Variants in SLC25A41 observed in about 807,000 individuals in gnomAD.
SLC25A41 encodes solute carrier family 25 member 41.
Under a neutral mutation model 34.7 loss-of-function variants are expected in SLC25A41, and 35 were observed. That is an observed-to-expected ratio of 1.01 (90% CI 0.77 to 1.34). SLC25A41 has a LOEUF of 1.34. SLC25A41 is among the 40% of genes most tolerant of loss of function. The pLI, the probability that SLC25A41 is intolerant of heterozygous loss-of-function variation, is 0.00. For synonymous variants in SLC25A41, 190 were observed against 209.9 expected, an observed-to-expected ratio of 0.91 and a Z score of 0.82; for missense variants, 492 against 489.8, an observed-to-expected ratio of 1.00 and a Z score of -0.04.
intron 4 of SLC25A41, among the ~76,000 whole-genome samples, chr19:6,428,809 G>T (rs1454790151): frequency 1.4e-5 from 2 of 144,380 alleles, no homozygotes; most frequent in Non-Finnish European, 3.0e-5. Context: ...GACCTTCTGG[G>T]CTCAAGTGCT....
intron 4 of SLC25A41, among the ~76,000 whole-genome samples, chr19:6,428,015 G>A (rs986026642): frequency 2.6e-5 from 4 of 152,030 alleles, no homozygotes; most frequent in African/African-American, 9.7e-5. Context: ...AGAGTGAATA[G>A]GTAGAAAACA....
chr19:6,430,083 G>A lies in SLC25A41; in HGVS notation c.442C>T (p.Leu148=). 1 of 1,613,470 alleles carries A rather than the reference G, an allele frequency of 6.2e-7. No individual in the cohort carries two copies. The highest frequency in any genetic ancestry group is 8.5e-7 in the Non-Finnish European group (1 of 1,179,686). Residue 148 remains leucine, a synonymous_variant, in exon 3 of 7, where the codon CTG becomes TTG. Coordinates refer to ENST00000321510, the MANE Select transcript of SLC25A41 (RefSeq NM_173637.4). The part of the protein sequence containing the change: ...SMVQEGGFRS[L]WRGNGINVLK... ...ACGTTGATGCCGTTGCCCCGCCACA[G>A]GGAGCGGAAGCCGCCCTCCTGGACC... is the stretch of plus-strand genomic sequence containing the variant.
intron 2 of SLC25A41, among the ~76,000 whole-genome samples, chr19:6,431,057 C>A (rs1368746903): frequency 6.6e-6 from 1 of 152,034 alleles, no homozygotes; most frequent in African/African-American, 2.4e-5. Flanking sequence ...CTCAAGCGAT[C>A]TTCCCACTTT....
chr19:6,435,391 AAC>A (rs1328040263), upstream of SLC25A41, among the ~76,000 whole-genome samples: 3 of 151,700 alleles, frequency 2.0e-5, no homozygotes, highest in African/African-American at 7.3e-5. Flanking sequence ...AGTGGCTAGG[AAC>A]ACAGGTGCGG....
rs1483908509 is a variant in SLC25A41, at chr19:6,426,291, A to C, written c.*98T>G. On this transcript the variant is annotated 3_prime_UTR_variant, in exon 7 of 7. Coordinates refer to ENST00000321510, the MANE Select transcript of SLC25A41 (RefSeq NM_173637.4). ...TGCTTTTGCCACCAAAAACTGCCCCAGGGCCTGAACCTTGAGGCCTCGAGG... is the reference window on the plus strand; with the variant it reads ...TGCTTTTGCCACCAAAAACTGCCCCCGGGCCTGAACCTTGAGGCCTCGAGG... 1.5e-5 allele frequency: 14 copies of C among 939,204 alleles called. No individual in the cohort carries two copies. The highest frequency in any genetic ancestry group is 1.1e-4 in the Admixed American group (2 of 18,610). 58.2% of individuals were successfully genotyped at this position (939,204 alleles called of 1,614,324 possible). A position where few individuals can be genotyped will look rare whatever the true frequency, so the allele number is the denominator to read the frequency against.
At chr19:6,428,626 T>A (rs2092255329) in intron 4 of SLC25A41, among the ~76,000 whole-genome samples, 2 of 147,490 alleles carry the variant, frequency 1.4e-5, no homozygotes, top group South Asian at 2.1e-4. Flanking sequence ...TTTAGTTATA[T>A]ATAATATATA....
intron 2 of SLC25A41, chr19:6,430,489 CTTCTT>C: frequency 2.1e-6 from 1 of 471,130 alleles, no homozygotes; most frequent in Non-Finnish European, 3.9e-6. Context: ...TCCTCCCTTC[CTTCTT>C]TTTTTTTTTT....
In SLC25A41 at chr19:6,427,415, GC is replaced by G; in HGVS notation, c.710del (p.Gly237AlafsTer35). 1 of 1,610,024 alleles carries G rather than the reference GC, an allele frequency of 6.2e-7. No homozygotes were observed. The highest frequency in any genetic ancestry group is 8.5e-7 in the Non-Finnish European group (1 of 1,178,298). On this transcript the variant is annotated frameshift_variant, in exon 5 of 7. Transcript: ENST00000321510. LOFTEE classifies it high-confidence loss of function. The surrounding 1 kb of genome is among the most constrained non-coding windows in gnomAD (Gnocchi z 4.9). ...GGTAGCCGCGGTAAAGGGCGCGGGTGCCCTCTCGCTGCAAGATCTGCCTGGC... is the reference window on the plus strand; with the variant it reads ...GGTAGCCGCGGTAAAGGGCGCGGGTGCCTCTCGCTGCAAGATCTGCCTGGC... ...DCARQILQRE[G>X]TRALYRGYLP... is the part of the protein sequence containing the mutation.
intron 1 of SLC25A41, among the ~76,000 whole-genome samples, chr19:6,432,650 G>A (rs1188282588): frequency 6.6e-6 from 1 of 150,854 alleles, no homozygotes; most frequent in African/African-American, 2.4e-5. Flanking sequence ...GAGTACAGTG[G>A]TGCGATCTTG....
Position 6,430,036 on chromosome 19 carries a change from A to C in SLC25A41, c.489T>G (p.Tyr163Ter), listed in dbSNP as rs1013043276. The C allele has an allele frequency of 1.2e-6, 2 of 1,612,542 alleles. No individual in the cohort carries two copies. The highest frequency in any genetic ancestry group is 1.7e-6 in the Non-Finnish European group (2 of 1,179,330). The change falls in exon 3 of 7, where the codon TAT (tyrosine) becomes TAG (stop). Residue 163 changes from tyrosine to a stop codon, truncating the protein, a stop_gained. Coordinates refer to ENST00000321510, the MANE Select transcript of SLC25A41 (RefSeq NM_173637.4). LOFTEE classifies it high-confidence loss of function. Reference protein sequence around the residue: ...GINVLKIAPEYAIKFSVFEQC... With the variant: ...GINVLKIAPE The stretch of plus-strand genomic sequence containing the variant: ...GCTCGAATACGGAGAACTTGATGGC[A>C]TACTCAGGAGCAATCTTGAGCACGT...
chr19:6,426,962 A>C (rs1385378867), intron 6 of SLC25A41, 141 bp downstream of exon 6: 64 of 904,520 alleles, frequency 7.1e-5, no homozygotes, highest in Non-Finnish European at 9.5e-5. Flanking sequence ...TATTTTTGAG[A>C]CGCAGTCTCA....
At chr19:6,429,691 G>A (rs369746958) in intron 4 of SLC25A41, 33 bp downstream of exon 4, 39 of 1,501,290 alleles carry the variant, frequency 2.6e-5, no homozygotes, top group East Asian at 4.8e-5. Flanking sequence ...TTTCCACGGC[G>A]TTTCCTCACC....
chr19:6,434,515 G>C (rs1486167681), upstream of SLC25A41, among the ~76,000 whole-genome samples: 2 of 152,196 alleles, frequency 1.3e-5, no homozygotes, highest in Non-Finnish European at 2.9e-5. Context: ...AGAAATAAAT[G>C]TCTGCAGTTT....
chr19:6,428,401 C>CA lies in SLC25A41; in HGVS notation c.625-901dup, dbSNP rs764137246. On this transcript the variant is annotated intron_variant, in intron 4 of 6. Coordinates refer to ENST00000321510, the MANE Select transcript of SLC25A41 (RefSeq NM_173637.4). ...AGCCTGGGTGACAGAGTGAGACTCT[C>CA]AAAAAAAAAAAAAAGAAAAAGAAAG... is the stretch of plus-strand genomic sequence containing the variant. Among the ~76,000 whole-genome samples, 179 of 68,954 alleles carry CA rather than the reference C, an allele frequency of 2.6e-3. 1 individual carries two copies. The highest frequency in any genetic ancestry group is 5.5e-3 in the African/African-American group (106 of 19,224). 45.2% of individuals were successfully genotyped at this position (68,954 alleles called of 152,430 possible).
At chr19:6,426,722 G>A (rs898751027) in intron 6 of SLC25A41, among the ~76,000 whole-genome samples, 161 bp from the exon 7 acceptor site, 1 of 152,218 alleles carries the variant, frequency 6.6e-6, no homozygotes, top group South Asian at 2.1e-4. Context: ...GTTTGAGGAG[G>A]AGTGGGGGAG....
chr19:6,429,049 TTATATATATGTTA>T lies in SLC25A41; in HGVS notation c.624+662_624+674del, dbSNP rs1349476376. Among the ~76,000 whole-genome samples the T allele has an allele frequency of 1.3e-4, 5 of 37,360 alleles. 1 individual carries two copies. Among genetic ancestry groups the T allele is most frequent in the African/African-American group, 4.8e-4 (3 of 6,310 alleles). 24.5% of individuals were successfully genotyped at this position (37,360 alleles called of 152,430 possible). A position where few individuals can be genotyped will look rare whatever the true frequency, so the allele number is the denominator to read the frequency against. ...TATATATATATATATAATATATATA[TTATATATATGTTA>T]TATATATATATAATATATATATTAT... On this transcript the variant is annotated intron_variant, in intron 4 of 6. Transcript: ENST00000321510.
intron 4 of SLC25A41, among the ~76,000 whole-genome samples, chr19:6,429,156 A>ATATATATATATAATATATATATGT (rs2092267043): frequency 3.4e-5 from 1 of 29,262 alleles, no homozygotes; most frequent in African/African-American, 1.9e-4. Flanking sequence ...TATATATATT[A>ATATATATATATAATATATATATGT]TATATATAAT....
At chr19:6,429,053 ATATATGTTAT>A (rs2092259683) in intron 4 of SLC25A41, among the ~76,000 whole-genome samples, 1 of 53,238 alleles carries the variant, frequency 1.9e-5, no homozygotes, top group East Asian at 6.1e-4. Flanking sequence ...TATATATTAT[ATATATGTTAT>A]ATATATATAT....
intron 2 of SLC25A41, chr19:6,430,370 A>T: frequency 1.8e-6 from 1 of 557,352 alleles, no homozygotes; most frequent in Non-Finnish European, 3.1e-6. Context: ...CTACATTCCC[A>T]CCTCACCCCT....
Sources: gnomAD v4.1 joint callset for allele counts (sites outside exome capture counted in the v4.1 genomes callset) on GRCh38, gnomAD v4.1.1 for gene constraint, Gnocchi (gnomAD v3.1) non-coding constraint, MANE v1.5 for transcripts, NCBI Gene and HGNC (gene_info 2026-07-23, HGNC 2026-07-21) for gene names.